Variants in SPACA7 observed in about 807,000 individuals in gnomAD.
SPACA7 encodes sperm acrosome-associated protein 7.
Under a neutral mutation model 26.3 loss-of-function variants are expected in SPACA7, and 19 were observed. The ratio of observed to expected loss-of-function variants is 0.72; its 90% CI spans 0.50 to 1.06. SPACA7 has a LOEUF of 1.06. SPACA7 is among the 50% of genes least tolerant of loss of function. The probability of loss-of-function intolerance (pLI) is 0.00; values close to 1 mark genes in which losing one functional copy is unlikely to be tolerated. For missense variants in SPACA7, 211 were observed against 229.9 expected (o/e 0.92, Z 0.53); for synonymous variants, 84 against 84.5 (o/e 0.99, Z 0.04).
At chr13:112,391,036 T>C (rs1236974950) in intron 1 of SPACA7, among the ~76,000 whole-genome samples, 21 of 152,288 alleles carry the variant, frequency 1.4e-4, no homozygotes, top group Admixed American at 1.3e-3. Context: ...ACTTGGATGA[T>C]TGGCTCAAGG....
At chr13:112,430,784 A>G (rs1165023277) in intron 5 of SPACA7, among the ~76,000 whole-genome samples, 1 of 152,240 alleles carries the variant, frequency 6.6e-6, no homozygotes, top group Non-Finnish European at 1.5e-5. Flanking sequence ...AAATGTTAGC[A>G]TCATATACTC....
chr13:112,381,009 C>T (rs1430632492), intron 1 of SPACA7, among the ~76,000 whole-genome samples: 1 of 152,112 alleles, frequency 6.6e-6, no homozygotes, highest in Non-Finnish European at 1.5e-5. Flanking sequence ...GCAAAAACAA[C>T]TTTTGTTAAC....
At chr13:112,382,619 C>T in intron 1 of SPACA7, 2 of 1,376,678 alleles carry the variant, frequency 1.5e-6, no homozygotes, top group East Asian at 5.0e-5. Context: ...AGTTTTAGTA[C>T]AGTATTTAAG....
chr13:112,398,160 C>G lies in SPACA7; in HGVS notation c.241+22C>G, dbSNP rs781725217. The G allele has an allele frequency of 4.2e-5, 66 of 1,567,158 alleles. 1 individual carries two copies. Among genetic ancestry groups the G allele is most frequent in the Non-Finnish European group, 5.0e-5 (57 of 1,137,582 alleles). Reference sequence around the variant, plus strand: ...TTACGTAAGGAGAAAAGCAAGCACACCCCTTTCTAACCCTCTAATTGCCCT... The same window carrying G: ...TTACGTAAGGAGAAAAGCAAGCACAGCCCTTTCTAACCCTCTAATTGCCCT... On this transcript the variant is annotated intron_variant, in intron 3 of 6. Transcript: ENST00000283550.
intron 2 of SPACA7, among the ~76,000 whole-genome samples, chr13:112,394,904 G>A (rs1885137294): frequency 6.6e-6 from 1 of 152,198 alleles, no homozygotes; most frequent in South Asian, 2.1e-4. Context: ...AAACCTAGAA[G>A]GAAGCAGCAG....
At chr13:112,430,174 CTGTG>C (rs61438595) in intron 5 of SPACA7, among the ~76,000 whole-genome samples, 1,448 of 134,288 alleles carry the variant, frequency 0.011, 13 homozygotes, top group Non-Finnish European at 0.016. Context: ...ATCTCTCTCT[CTGTG>C]TGTGTGTGTG....
chr13:112,428,320 C>T (rs904875290), intron 5 of SPACA7, among the ~76,000 whole-genome samples: 3 of 152,140 alleles, frequency 2.0e-5, no homozygotes, highest in Admixed American at 2.0e-4. Context: ...TGGCTCACAC[C>T]TGTAATCCCA....
intron 5 of SPACA7, among the ~76,000 whole-genome samples, chr13:112,413,360 G>A (rs1886473432): frequency 8.5e-6 from 1 of 117,368 alleles, no homozygotes; most frequent in African/African-American, 3.7e-5. Flanking sequence ...TTCTTGGTTG[G>A]AAGAGTTGTT....
chr13:112,428,793 T>C (rs1342648409), intron 5 of SPACA7, among the ~76,000 whole-genome samples: 1 of 152,202 alleles, frequency 6.6e-6, no homozygotes, highest in Non-Finnish European at 1.5e-5. Flanking sequence ...ATATTCCAAG[T>C]GTTCCTGAAA....
Position 112,405,187 on chromosome 13 carries a change from T to C in SPACA7, c.445+4023T>C, listed in dbSNP as rs1885908695. ...TTAGTAGAGACGGGGTTTCACCGTG[T>C]TAGCCAGGATGTATTTTCTTCTTTA... On this transcript the variant is annotated intron_variant, in intron 5 of 6. Transcript: ENST00000283550. 2.0e-5 allele frequency among the ~76,000 whole-genome samples: 3 copies of C among 152,220 alleles called. No homozygotes were observed. In the South Asian group the frequency reaches 6.2e-4, roughly 32 times the overall value.
chr13:112,408,884 C>CA (rs1364581016), intron 5 of SPACA7, among the ~76,000 whole-genome samples: 2 of 151,928 alleles, frequency 1.3e-5, no homozygotes, highest in Non-Finnish European at 2.9e-5. Context: ...CATATGGAAC[C>CA]AAAAAAGGGC....
At chr13:112,381,027 A>G (rs1166378477) in intron 1 of SPACA7, among the ~76,000 whole-genome samples, 1 of 151,862 alleles carries the variant, frequency 6.6e-6, no homozygotes, top group Non-Finnish European at 1.5e-5. Context: ...AACAGACTCA[A>G]ATACATTTAG....
chr13:112,388,241 A>T (rs910299752), intron 1 of SPACA7, among the ~76,000 whole-genome samples: 1 of 152,086 alleles, frequency 6.6e-6, no homozygotes, highest in African/African-American at 2.4e-5. Context: ...CATCTGGGAA[A>T]CCTCCTCAAA....
At position 112,398,119 on chromosome 13, in the gene SPACA7, A is replaced by G; in HGVS notation, c.222A>G (p.Ser74=). 4.3e-6 allele frequency: 7 copies of G among 1,613,666 alleles called. No homozygotes were observed. The highest frequency in any genetic ancestry group is 5.1e-6 in the Non-Finnish European group (6 of 1,179,576). Residue 74 remains serine, a synonymous_variant, in exon 3 of 7, where the codon TCA becomes TCG. Coordinates refer to ENST00000283550, the MANE Select transcript of SPACA7 (RefSeq NM_145248.5). Reference sequence around the variant, plus strand: ...CGAGCGAAATGCCAAGTACAGCATCAACATTATCAACACCGTTACGTAAGG... The same window carrying G: ...CGAGCGAAATGCCAAGTACAGCATCGACATTATCAACACCGTTACGTAAGG... ...TTPSEMPSTA[S]TLSTPLHAGI...
intron 5 of SPACA7, among the ~76,000 whole-genome samples, chr13:112,426,847 T>A (rs58704881): frequency 0.11 from 17,467 of 152,186 alleles, 1,317 homozygotes; most frequent in East Asian, 0.31. Context: ...CGTTTGTTCT[T>A]CCTTTCCAAC....
intron 1 of SPACA7, among the ~76,000 whole-genome samples, chr13:112,383,275 A>G (rs1884324500): frequency 1.3e-5 from 2 of 152,136 alleles, no homozygotes; most frequent in African/African-American, 4.8e-5. Flanking sequence ...TCTAACTCAT[A>G]AAGAATTTAT....
intron 1 of SPACA7, among the ~76,000 whole-genome samples, chr13:112,384,423 A>G (rs950036649): frequency 6.6e-6 from 1 of 152,160 alleles, no homozygotes; most frequent in Non-Finnish European, 1.5e-5. Context: ...ACACAAATAT[A>G]GCCCAAAGAA....
chr13:112,399,822 T>C (rs1360920388), intron 4 of SPACA7, among the ~76,000 whole-genome samples: 1 of 152,176 alleles, frequency 6.6e-6, no homozygotes, highest in East Asian at 1.9e-4. Context: ...AGGCTGTGCA[T>C]GAGGCATGGC....
intron 1 of SPACA7, among the ~76,000 whole-genome samples, chr13:112,383,827 T>C (rs1468858968): frequency 6.6e-6 from 1 of 152,240 alleles, no homozygotes; most frequent in Non-Finnish European, 1.5e-5. Context: ...CTTGGTAAAA[T>C]GACCAATTTC....
Sources: allele counts gnomAD v4.1 joint callset (sites outside exome capture counted in the v4.1 genomes callset), GRCh38; gene constraint gnomAD v4.1.1; transcripts MANE v1.5; gene names NCBI Gene and HGNC (gene_info 2026-07-23, HGNC 2026-07-21).